Variants in AAK1 observed in about 807,000 individuals in gnomAD.
The protein encoded by AAK1 is AP2-associated protein kinase 1.
AAK1 carries 37 observed loss-of-function variants against 116.0 expected under a neutral mutation model. The ratio of observed to expected loss-of-function variants is 0.32; its 90% CI spans 0.25 to 0.42. AAK1 has a LOEUF of 0.42. AAK1 is among the 10% of genes least tolerant of loss of function. AAK1 has a pLI of 1.00. For missense variants in AAK1, 919 were observed against 1,170.6 expected (o/e 0.79, Z 3.14); for synonymous variants, 458 against 439.9 (o/e 1.04, Z -0.51).
Position 69,472,301 on chromosome 2 carries a change from GA to G in AAK1, c.*3567del. 2.7e-6 allele frequency: 1 copy of G among 371,826 alleles called. No homozygotes were observed. Among genetic ancestry groups the G allele is most frequent in the Non-Finnish European group, 3.7e-6 (1 of 269,372 alleles). The allele number at this position is 371,826 out of a possible 1,614,324, so 23.0% of individuals were successfully genotyped here. A position where few individuals can be genotyped will look rare whatever the true frequency, so the allele number is the denominator to read the frequency against. On this transcript the variant is annotated 3_prime_UTR_variant, in exon 22 of 22. Transcript: ENST00000409085. ...ATGTTACTCAGAACCAAGAGTAGTA[GA>G]AAAAGTAGACAAAGAAAGAATATAC... is the stretch of plus-strand genomic sequence containing the variant.
rs1674693506 is a variant in AAK1, at chr2:69,471,862, G to A, written c.*4007C>T. The A allele has an allele frequency of 4.1e-6, 4 of 985,302 alleles. No individual in the cohort carries two copies. The South Asian group carries it at 1.9e-4, about 46-fold the overall frequency. The allele number at this position is 985,302 out of a possible 1,614,324, so 61.0% of individuals were successfully genotyped here. The stretch of plus-strand genomic sequence containing the variant: ...TTGGTTGATCAATTATCTGTCAGGA[G>A]AGTAGGAAATAAGTAATCAAAACAA... On this transcript the variant is annotated 3_prime_UTR_variant, in exon 22 of 22. Coordinates refer to ENST00000409085, the MANE Select transcript of AAK1 (RefSeq NM_014911.5).
intron 15 of AAK1, 31 bp from the exon 16 acceptor site, chr2:69,505,704 C>A: frequency 6.3e-7 from 1 of 1,575,234 alleles, no homozygotes; most frequent in Non-Finnish European, 8.7e-7. Context: ...TCAGTTCATT[C>A]TAGCAGAATC....
intron 2 of AAK1, among the ~76,000 whole-genome samples, chr2:69,629,943 G>C (rs74806048): frequency 0.01 from 1,575 of 152,276 alleles, 21 homozygotes; most frequent in African/African-American, 0.034. Flanking sequence ...TGAATACCTA[G>C]GCTAGGTAAA....
chr2:69,605,499 C>T (rs748662388), intron 2 of AAK1, among the ~76,000 whole-genome samples: 8 of 152,308 alleles, frequency 5.3e-5, no homozygotes, highest in Non-Finnish European at 1.0e-4. Context: ...AGGAGATCCA[C>T]GTACCCTTCA....
intron 2 of AAK1, among the ~76,000 whole-genome samples, chr2:69,615,271 T>C (rs898994435): frequency 6.6e-6 from 1 of 152,178 alleles, no homozygotes; most frequent in African/African-American, 2.4e-5. Context: ...CAGGCCAGAA[T>C]AGTTCAGTCC....
intron 10 of AAK1, among the ~76,000 whole-genome samples, chr2:69,522,002 T>G (rs908732606): frequency 1.3e-5 from 2 of 152,232 alleles, no homozygotes; most frequent in Non-Finnish European, 2.9e-5. Flanking sequence ...TATACGCAGC[T>G]GTCACTTTGG....
chr2:69,500,894 G>C (rs1675957267), intron 16 of AAK1, among the ~76,000 whole-genome samples: 1 of 151,780 alleles, frequency 6.6e-6, no homozygotes, highest in African/African-American at 2.4e-5. Context: ...TGAGTAGATG[G>C]AAAATGATCA....
chr2:69,580,961 T>C (rs769614749), intron 2 of AAK1, among the ~76,000 whole-genome samples: 4 of 152,052 alleles, frequency 2.6e-5, no homozygotes, highest in Non-Finnish European at 5.9e-5. Flanking sequence ...GTTTTTAAAC[T>C]ATGCAAGTTT....
In AAK1 at chr2:69,471,286, C is replaced by T. The variant is rs879575188; in HGVS notation, c.*4583G>A. 92 of 985,284 alleles carry T rather than the reference C, an allele frequency of 9.3e-5. No homozygotes were observed. The highest frequency in any genetic ancestry group is 3.7e-4 in the Admixed American group (6 of 16,266). The allele number at this position is 985,284 out of a possible 1,614,324, so 61.0% of individuals were successfully genotyped here. A position where few individuals can be genotyped will look rare whatever the true frequency, so the allele number is the denominator to read the frequency against. On this transcript the variant is annotated 3_prime_UTR_variant, in exon 22 of 22. Coordinates refer to ENST00000409085, the MANE Select transcript of AAK1 (RefSeq NM_014911.5). Reference sequence around the variant, plus strand: ...CATTACCCAAGGAGCCTCCCTATCCCGTATTAGTGAAAGGAAATCTGGGAG... The same window carrying T: ...CATTACCCAAGGAGCCTCCCTATCCTGTATTAGTGAAAGGAAATCTGGGAG...
chr2:69,557,024 A>C, intron 2 of AAK1, 46 bp from the exon 3 acceptor site: 1 of 1,458,652 alleles, frequency 6.9e-7, no homozygotes, highest in Non-Finnish European at 9.6e-7. Flanking sequence ...ATGTTCAAAA[A>C]GTCAGCCACA....
intron 16 of AAK1, among the ~76,000 whole-genome samples, chr2:69,499,026 C>A (rs1001916877): frequency 1.3e-5 from 2 of 152,214 alleles, no homozygotes; most frequent in Non-Finnish European, 2.9e-5. Context: ...ATCATCTCCA[C>A]AGCCATGTCC....
chr2:69,563,947 A>G (rs1270011700), intron 2 of AAK1, among the ~76,000 whole-genome samples: 1 of 152,088 alleles, frequency 6.6e-6, no homozygotes, highest in Non-Finnish European at 1.5e-5. Flanking sequence ...TAATCCCAGC[A>G]CTTTGGGAGG....
intron 2 of AAK1, among the ~76,000 whole-genome samples, chr2:69,603,581 A>G (rs937046976): frequency 4.6e-5 from 7 of 152,182 alleles, no homozygotes; most frequent in African/African-American, 1.7e-4. Context: ...CCTCACATGT[A>G]GGTTCTCACC....
Position 69,513,477 on chromosome 2 carries a change from G to A in AAK1, c.1776+994C>T, listed in dbSNP as rs139277140. On this transcript the variant is annotated intron_variant, in intron 13 of 21. Coordinates refer to ENST00000409085, the MANE Select transcript of AAK1 (RefSeq NM_014911.5). ...TGGGACTATAGGTGCCTGCCACCAC[G>A]CCCGGCTAATTTTTTTTTTGTATTT... 6.5e-3 allele frequency among the ~76,000 whole-genome samples: 994 copies of A among 152,134 alleles called. 9 individuals are homozygous for A. The highest frequency in any genetic ancestry group is 0.023 in the African/African-American group (947 of 41,484).
chr2:69,587,425 A>C (rs1443859832), intron 2 of AAK1, among the ~76,000 whole-genome samples: 1 of 150,842 alleles, frequency 6.6e-6, no homozygotes, highest in East Asian at 1.9e-4. Context: ...ATATATACAC[A>C]TATATATACA....
At chr2:69,622,704 G>C (rs569411934) in intron 2 of AAK1, among the ~76,000 whole-genome samples, 18 of 152,198 alleles carry the variant, frequency 1.2e-4, no homozygotes, top group African/African-American at 4.3e-4. Flanking sequence ...GTCTAGCTGA[G>C]GGATTGTAAA....
Position 69,525,130 on chromosome 2 carries a change from A to G in AAK1, c.976-18T>C. On this transcript the variant is annotated intron_variant, in intron 9 of 21. Coordinates refer to ENST00000409085, the MANE Select transcript of AAK1 (RefSeq NM_014911.5). ...GGAGAGTTCTATAGAATTGCAAACA[A>G]AACAGAACAAAACAAAAGGACATCA... 6.2e-7 allele frequency: 1 copy of G among 1,609,182 alleles called. No individual in the cohort carries two copies. The highest frequency in any genetic ancestry group is 1.1e-5 in the South Asian group (1 of 90,916).
chr2:69,540,596 G>A (rs1234742619), intron 5 of AAK1, among the ~76,000 whole-genome samples: 2 of 152,186 alleles, frequency 1.3e-5, no homozygotes, highest in African/African-American at 4.8e-5. Context: ...AACAAAAAAG[G>A]TCAATAACAA....
chr2:69,465,335 T>C lies in AAK1; in HGVS notation c.*10534A>G, dbSNP rs1260838886. ...GGAATTGAAATATAAGAACTGATAA[T>C]ATTTCTTCTTCAGAAGGCTAAGCTG... is the stretch of plus-strand genomic sequence containing the variant. On this transcript the variant is annotated 3_prime_UTR_variant, in exon 22 of 22. Transcript: ENST00000409085. 5 of 1,111,142 alleles carry C rather than the reference T, an allele frequency of 4.5e-6. No individual in the cohort carries two copies. In the East Asian group the frequency reaches 3.0e-4, roughly 66 times the overall value. 68.8% of individuals were successfully genotyped at this position (1,111,142 alleles called of 1,614,324 possible).
Sources: gnomAD v4.1 joint callset for allele counts (sites outside exome capture counted in the v4.1 genomes callset) on GRCh38, gnomAD v4.1.1 for gene constraint, MANE v1.5 for transcripts, NCBI Gene and HGNC (gene_info 2026-07-23, HGNC 2026-07-21) for gene names.